The following PARN variants were observed in gnomAD, a reference collection of about 807,000 sequenced individuals.
PARN encodes the protein poly(A)-specific ribonuclease, also known as poly(A)-specific ribonuclease PARN.
A neutral mutation model predicts 102.8 loss-of-function variants in PARN; 71 were observed. The observed-to-expected ratio is 0.69, with a 90% CI of 0.57 to 0.84. The LOEUF is 0.84. Ranked by LOEUF, PARN falls within the 40% of genes least tolerant of loss-of-function variation. The pLI is 0.00. For missense variants in PARN, 782 were observed against 760.9 expected, an observed-to-expected ratio of 1.03 and a Z score of -0.33; for synonymous variants, 261 against 252.9, an observed-to-expected ratio of 1.03 and a Z score of -0.30.
intron 21 of PARN, among the ~76,000 whole-genome samples, chr16:14,487,494 C>A (rs1393778782): frequency 1.3e-5 from 2 of 152,128 alleles, no homozygotes. Context: ...AAGAGGAAGA[C>A]AACATAAGAT....
At chr16:14,609,557 C>T (rs1016797874) in intron 7 of PARN, among the ~76,000 whole-genome samples, 1 of 152,038 alleles carries the variant, frequency 6.6e-6, no homozygotes, top group Admixed American at 6.6e-5. Context: ...GGCAACAGAA[C>T]GAGACCCTGT....
intron 20 of PARN, 25 bp from the exon 21 acceptor site, chr16:14,552,120 G>A: frequency 6.9e-7 from 1 of 1,455,328 alleles, no homozygotes; most frequent in South Asian, 1.1e-5. Context: ...TAAAAGTAAA[G>A]TGAACATTTG....
At chr16:14,618,013 A>G (rs1303773856) in intron 5 of PARN, among the ~76,000 whole-genome samples, 5 of 151,992 alleles carry the variant, frequency 3.3e-5, no homozygotes, top group Non-Finnish European at 1.5e-5. Flanking sequence ...AGCCTACTTC[A>G]TAATATTTTT....
chr16:14,505,751 A>G (rs1286034140), intron 21 of PARN, among the ~76,000 whole-genome samples: 2 of 152,238 alleles, frequency 1.3e-5, no homozygotes, highest in Non-Finnish European at 2.9e-5. Context: ...TTCACAAAAT[A>G]ATATCAACCA....
chr16:14,449,540 C>T (rs1043984919), intron 22 of PARN, among the ~76,000 whole-genome samples: 3 of 151,978 alleles, frequency 2.0e-5, no homozygotes, highest in Admixed American at 6.6e-5. Flanking sequence ...TTTTGCAGGG[C>T]AATAAATAAC....
chr16:14,604,349 C>G (rs1303522223), intron 10 of PARN, 123 bp from the exon 11 acceptor site: 1 of 632,184 alleles, frequency 1.6e-6, no homozygotes, highest in Non-Finnish European at 2.8e-6. Context: ...CAAACTCCGC[C>G]TCCTGGGTTC....
chr16:14,566,125 T>C (rs1387596669), intron 18 of PARN, among the ~76,000 whole-genome samples: 1 of 152,190 alleles, frequency 6.6e-6, no homozygotes, highest in Non-Finnish European at 1.5e-5. Context: ...TCCAAAAAGA[T>C]ATGTCCACTT....
chr16:14,481,830 T>C (rs752244354), intron 22 of PARN, among the ~76,000 whole-genome samples: 5 of 152,210 alleles, frequency 3.3e-5, no homozygotes, highest in Non-Finnish European at 7.3e-5. Flanking sequence ...CTGTGTTTTG[T>C]AGTTTCACAA....
At chr16:14,532,753 G>C (rs1178796479) in intron 21 of PARN, among the ~76,000 whole-genome samples, 3 of 150,570 alleles carry the variant, frequency 2.0e-5, no homozygotes, top group South Asian at 2.1e-4. Context: ...CTGGCCGGGT[G>C]GGGGGCTGAC....
intron 23 of PARN, among the ~76,000 whole-genome samples, chr16:14,439,378 A>C (rs1274329082): frequency 8.0e-5 from 8 of 100,304 alleles, no homozygotes; most frequent in South Asian, 6.0e-4. Context: ...TGTCGCACAA[A>C]AAAAAAAAAA....
At chr16:14,570,814 A>C (rs1968760386) in intron 18 of PARN, among the ~76,000 whole-genome samples, 2 of 141,350 alleles carry the variant, frequency 1.4e-5, no homozygotes, top group South Asian at 4.5e-4. Context: ...CCCCACCTCT[A>C]CAAAAAAAAA....
At position 14,554,168 on chromosome 16, in the gene PARN, T is replaced by C. The variant is rs892579157; in HGVS notation, c.1319-17A>G. ...TAGGCTGCACTACAAGACAAATTTA[T>C]GATGAAATATTGATGGGTGAAAAGT... On this transcript the variant is annotated splice_polypyrimidine_tract_variant and intron_variant, in intron 19 of 23. Transcript: ENST00000437198. The C allele has an allele frequency of 3.2e-6, 5 of 1,544,860 alleles. No individual in the cohort carries two copies. Among genetic ancestry groups the C allele is most frequent in the Admixed American group, 1.7e-5 (1 of 58,342 alleles).
intron 18 of PARN, among the ~76,000 whole-genome samples, chr16:14,572,165 C>T (rs962224045): frequency 6.6e-6 from 1 of 152,160 alleles, no homozygotes; most frequent in Non-Finnish European, 1.5e-5. Flanking sequence ...GCGAGGGCTT[C>T]CCTGCAGGTG....
At chr16:14,461,585 A>G (rs1961978477) in intron 22 of PARN, among the ~76,000 whole-genome samples, 1 of 152,210 alleles carries the variant, frequency 6.6e-6, no homozygotes, top group African/African-American at 2.4e-5. Context: ...TTTTGTCACA[A>G]CCACTTTCCT....
At chr16:14,531,247 A>C (rs1363258915) in intron 21 of PARN, among the ~76,000 whole-genome samples, 1 of 152,160 alleles carries the variant, frequency 6.6e-6, no homozygotes, top group East Asian at 1.9e-4. Context: ...CAGCAGGCTG[A>C]GGCAGGAGAA....
chr16:14,491,373 G>A (rs528360457), intron 21 of PARN, among the ~76,000 whole-genome samples: 25 of 151,892 alleles, frequency 1.6e-4, no homozygotes, highest in Non-Finnish European at 2.9e-4. Context: ...AGGACCAGGT[G>A]CTCTCTGAGG....
intron 18 of PARN, among the ~76,000 whole-genome samples, chr16:14,576,561 T>C (rs1373178923): frequency 1.3e-5 from 2 of 152,258 alleles, no homozygotes; most frequent in African/African-American, 4.8e-5. Flanking sequence ...CATTTTTAGC[T>C]CTTAGATTTT....
chr16:14,466,926 G>A (rs1962395924), intron 22 of PARN, among the ~76,000 whole-genome samples: 2 of 152,018 alleles, frequency 1.3e-5, no homozygotes, highest in Admixed American at 1.3e-4. Flanking sequence ...TGGCATCTGG[G>A]CAGGGTCAAA....
intron 18 of PARN, among the ~76,000 whole-genome samples, chr16:14,568,013 T>C (rs1001071509): frequency 6.6e-6 from 1 of 152,140 alleles, no homozygotes; most frequent in Non-Finnish European, 1.5e-5. Context: ...ACTTTGCTTC[T>C]ATCAACACAG....
Sources: allele counts gnomAD v4.1 joint callset (sites outside exome capture counted in the v4.1 genomes callset), GRCh38; gene constraint gnomAD v4.1.1; transcripts MANE v1.5; gene names NCBI Gene and HGNC (gene_info 2026-07-23, HGNC 2026-07-21).